Variants in CNTN4 observed in about 807,000 individuals in gnomAD.
The protein encoded by CNTN4 is contactin-4.
In CNTN4, 77 loss-of-function variants were observed where a neutral mutation model predicts 122.5. The ratio of observed to expected loss-of-function variants is 0.63; its 90% CI spans 0.52 to 0.76. CNTN4 has a LOEUF of 0.76. Among genes scored for constraint, CNTN4 ranks in the 30% least tolerant of loss-of-function variants. The probability of loss-of-function intolerance (pLI) is 0.00; values close to 1 mark genes in which losing one functional copy is unlikely to be tolerated. For synonymous variants in CNTN4, 512 were observed against 447.0 expected (o/e 1.15, Z -1.83); for missense variants, 1,256 against 1,259.1 (o/e 1.00, Z 0.04).
intron 3 of CNTN4, among the ~76,000 whole-genome samples, chr3:2,443,475 G>A (rs1200324659): frequency 6.6e-6 from 1 of 152,126 alleles, no homozygotes; most frequent in African/African-American, 2.4e-5. Context: ...CAGGGCGACT[G>A]CCCTTTTATT....
intron 2 of CNTN4, among the ~76,000 whole-genome samples, chr3:2,185,529 T>A (rs563195186): frequency 6.6e-6 from 1 of 152,200 alleles, no homozygotes; most frequent in South Asian, 2.1e-4. Flanking sequence ...CTATAAAACA[T>A]GGGAAGGTGC....
At chr3:2,864,359 T>G (rs1286071446) in intron 7 of CNTN4, among the ~76,000 whole-genome samples, 3 of 152,114 alleles carry the variant, frequency 2.0e-5, no homozygotes, top group Admixed American at 2.0e-4. Context: ...ACTTTCTGGT[T>G]GCTAAATGAG....
At chr3:2,516,527 T>C (rs1173050105) in intron 3 of CNTN4, among the ~76,000 whole-genome samples, 1 of 152,138 alleles carries the variant, frequency 6.6e-6, no homozygotes, top group Non-Finnish European at 1.5e-5. Flanking sequence ...ATAGCTCCAA[T>C]GGCTTATCCG....
intron 4 of CNTN4, among the ~76,000 whole-genome samples, chr3:2,654,137 C>T (rs747978311): frequency 6.6e-6 from 1 of 152,158 alleles, no homozygotes; most frequent in South Asian, 2.1e-4. Context: ...AGGGGATGAG[C>T]TTTATTTACT....
rs181270501 is a variant in CNTN4 at position 2,794,715 on chromosome 3, T to C, written c.359-24771T>C. ...CTGTTTAGGCTGCTGTAAGCTGCCA[T>C]TGACTGTGGGCTTACAAAGAAAGGA... On this transcript the variant is annotated intron_variant, in intron 6 of 24. Coordinates refer to ENST00000418658, the MANE Select transcript of CNTN4 (RefSeq NM_175607.3). Among the ~76,000 whole-genome samples the C allele has an allele frequency of 6.4e-4, 98 of 152,324 alleles. 1 individual carries two copies. Among genetic ancestry groups the C allele is most frequent in the African/African-American group, 2.2e-3 (91 of 41,582 alleles).
In CNTN4 at chr3:3,040,406, A is replaced by G. The variant is rs141158788; in HGVS notation, c.2398+135A>G. 13 of 744,586 alleles carry G rather than the reference A, an allele frequency of 1.7e-5. No homozygotes were observed. The African/African-American group carries it at 1.9e-4, about 11-fold the overall frequency. 46.1% of individuals were successfully genotyped at this position (744,586 alleles called of 1,614,324 possible). Reference sequence around the variant, plus strand: ...ACCTGATTTGAGAAGAGGATAATGTAAACAATTTGGTTCGCTGTCCACCAT... The same window carrying G: ...ACCTGATTTGAGAAGAGGATAATGTGAACAATTTGGTTCGCTGTCCACCAT... On this transcript the variant is annotated intron_variant, in intron 20 of 24. Transcript: ENST00000418658.
At chr3:2,541,342 G>A (rs995425066) in intron 3 of CNTN4, among the ~76,000 whole-genome samples, 1 of 151,988 alleles carries the variant, frequency 6.6e-6, no homozygotes, top group African/African-American at 2.4e-5. Flanking sequence ...GCATATAGTC[G>A]TTTATGTATT....
At chr3:2,717,425 G>C (rs147608034) in intron 4 of CNTN4, among the ~76,000 whole-genome samples, 1 of 152,150 alleles carries the variant, frequency 6.6e-6, no homozygotes, top group Non-Finnish European at 1.5e-5. Context: ...GTTTTCACAC[G>C]TGTTTTCATA....
At chr3:2,862,437 G>C (rs2093680866) in intron 7 of CNTN4, among the ~76,000 whole-genome samples, 1 of 152,108 alleles carries the variant, frequency 6.6e-6, no homozygotes, top group Non-Finnish European at 1.5e-5. Context: ...AATAGATTTG[G>C]ATGCTGCAAA....
chr3:2,987,159 A>G (rs1694654679), intron 13 of CNTN4, among the ~76,000 whole-genome samples: 1 of 152,220 alleles, frequency 6.6e-6, no homozygotes, highest in South Asian at 2.1e-4. Context: ...AGTGGGAAGG[A>G]TTTCAAATAC....
At chr3:2,759,881 T>A (rs1436129683) in intron 6 of CNTN4, among the ~76,000 whole-genome samples, 1 of 152,150 alleles carries the variant, frequency 6.6e-6, no homozygotes, top group African/African-American at 2.4e-5. Context: ...ACCTACTGAG[T>A]GTGATGTGAT....
intron 6 of CNTN4, among the ~76,000 whole-genome samples, chr3:2,779,090 A>G (rs958049): frequency 0.14 from 20,857 of 152,198 alleles, 1,894 homozygotes; most frequent in East Asian, 0.25. Context: ...GCTGACAATG[A>G]AAGCATTTTC....
intron 12 of CNTN4, among the ~76,000 whole-genome samples, chr3:2,908,120 A>G (rs2094258017): frequency 1.3e-5 from 2 of 152,202 alleles, no homozygotes; most frequent in African/African-American, 2.4e-5. Flanking sequence ...GGTGATAACC[A>G]TCATTCCACT....
chr3:2,127,908 A>G (rs2034257870), intron 2 of CNTN4, among the ~76,000 whole-genome samples: 1 of 152,228 alleles, frequency 6.6e-6, no homozygotes, highest in Non-Finnish European at 1.5e-5. Context: ...AGAGTAGAAG[A>G]TAACTTGTTA....
chr3:2,427,839 C>T (rs910990565), intron 3 of CNTN4, among the ~76,000 whole-genome samples: 4 of 151,862 alleles, frequency 2.6e-5, no homozygotes, highest in East Asian at 1.9e-4. Context: ...CCTTCTTTGT[C>T]GCTTCTGATC....
At chr3:2,468,830 G>T (rs2075592303) in intron 3 of CNTN4, among the ~76,000 whole-genome samples, 1 of 152,112 alleles carries the variant, frequency 6.6e-6, no homozygotes, top group South Asian at 2.1e-4. Flanking sequence ...AGGAAAAATG[G>T]GGGAAAGGGA....
At chr3:2,969,516 GATTATT>G (rs57712177) in intron 13 of CNTN4, among the ~76,000 whole-genome samples, 5 of 121,466 alleles carry the variant, frequency 4.1e-5, no homozygotes, top group African/African-American at 1.7e-4. Flanking sequence ...GGAAAATTGG[GATTATT>G]ATTATTATTA....
intron 4 of CNTN4, among the ~76,000 whole-genome samples, chr3:2,639,986 G>A (rs189681640): frequency 6.6e-6 from 1 of 152,164 alleles, no homozygotes; most frequent in Non-Finnish European, 1.5e-5. Flanking sequence ...GGGTTTTAAA[G>A]AATTTAGTTA....
chr3:2,643,278 A>T (rs1824932), intron 4 of CNTN4, among the ~76,000 whole-genome samples: 28,843 of 151,906 alleles, frequency 0.19, 3,025 homozygotes, highest in African/African-American at 0.27. Flanking sequence ...TGTTCAAGCA[A>T]TTTTCATGCC....
Sources: gnomAD v4.1 joint callset for allele counts (sites outside exome capture counted in the v4.1 genomes callset) on GRCh38, gnomAD v4.1.1 for gene constraint, MANE v1.5 for transcripts, NCBI Gene and HGNC (gene_info 2026-07-23, HGNC 2026-07-21) for gene names.